The following PDE4DIP variants were observed in gnomAD, a reference collection of about 807,000 sequenced individuals.
PDE4DIP encodes the protein phosphodiesterase 4D interacting protein.
In PDE4DIP, 59 loss-of-function variants were observed where a neutral mutation model predicts 221.4. That is an observed-to-expected ratio of 0.27 (90% confidence interval 0.22 to 0.33). The LOEUF (loss-of-function observed/expected upper bound fraction) is 0.33. PDE4DIP is among the 10% of genes least tolerant of loss of function. The probability of loss-of-function intolerance (pLI) is 1.00; values close to 1 mark genes in which losing one functional copy is unlikely to be tolerated. For synonymous variants in PDE4DIP, 404 were observed against 815.9 expected (o/e 0.50, Z 8.60); for missense variants, 1,036 against 2,154.2 (o/e 0.48, Z 10.28).
chr1:148,929,926 T>C (rs1573620281), intron 2 of PDE4DIP: 1 of 152,512 alleles, frequency 6.6e-6, no homozygotes, highest in African/African-American at 2.4e-5. Flanking sequence ...TATGCAGTTA[T>C]TGAAGAATGA....
chr1:148,930,278 C>T (rs1428539673), intron 2 of PDE4DIP: 1 of 152,038 alleles, frequency 6.6e-6, no homozygotes, highest in Non-Finnish European at 1.5e-5. Context: ...CTTTGGGAGG[C>T]CGAGGTGGGT....
At chr1:148,990,075 A>C (rs1384320352) in intron 21 of PDE4DIP, 6 of 258,466 alleles carry the variant, frequency 2.3e-5, no homozygotes, top group Non-Finnish European at 3.0e-5. Context: ...AGTTAACATA[A>C]AGTTCATGGT....
chr1:149,028,510 C>G, intron 40 of PDE4DIP, 50 bp from the exon 44 acceptor site: 1 of 1,569,814 alleles, frequency 6.4e-7, no homozygotes, highest in Non-Finnish European at 8.7e-7. Context: ...TGAGCCCATG[C>G]AGGGGGAAGA....
At position 148,856,905 on chromosome 1, in the gene PDE4DIP, C is replaced by T. The variant is rs1459043142; in HGVS notation, c.234-6345C>T. 3.1e-4 allele frequency among the ~76,000 whole-genome samples: 25 copies of T among 80,328 alleles called. 7 individuals are homozygous for T. The highest frequency in any genetic ancestry group is 2.3e-4 in the Non-Finnish European group (10 of 43,168). The allele number at this position is 80,328 out of a possible 152,430, so 52.7% of individuals were successfully genotyped here. On this transcript the variant is annotated intron_variant, in intron 1 of 45. Coordinates refer to the PDE4DIP transcript ENST00000524974. ...CTGTAAATTAAAAATAGGAAAAATG[C>T]ATCTTGGAACGTTTGAAAAATTTAT...
At chr1:149,024,392 G>C in intron 37 of PDE4DIP, 53 bp from the exon 41 acceptor site, 1 of 1,509,524 alleles carries the variant, frequency 6.6e-7, no homozygotes, top group Non-Finnish European at 9.0e-7. Flanking sequence ...GGAGGGTTCT[G>C]ACAAGTGCTT....
At chr1:148,929,259 T>C (rs587643669) in exon 2 of PDE4DIP, 2 of 1,612,482 alleles carry the variant, frequency 1.2e-6, no homozygotes, top group African/African-American at 1.3e-5. Context: ...AGAAACAGCA[T>C]CTGGATAAAA....
At chr1:149,016,073 T>C (rs2152660605) in intron 32 of PDE4DIP, among the ~76,000 whole-genome samples, 2 of 144,070 alleles carry the variant, frequency 1.4e-5, no homozygotes, top group East Asian at 2.1e-4. Flanking sequence ...GACTTTAAGA[T>C]ACTTTATTCT....
intron 5 of PDE4DIP, among the ~76,000 whole-genome samples, chr1:148,949,543 A>C (rs1334386136): frequency 6.6e-6 from 1 of 152,188 alleles, no homozygotes; most frequent in Non-Finnish European, 1.5e-5. Context: ...GATACACAGT[A>C]TGTAGAATAA....
exon 15 of PDE4DIP, chr1:148,972,221 T>G: frequency 6.2e-7 from 1 of 1,605,942 alleles, no homozygotes; most frequent in South Asian, 1.1e-5. Flanking sequence ...TGGAAAGAAA[T>G]TCAGAATTAC....
At chr1:148,963,815 G>A (rs1201263081) in intron 9 of PDE4DIP, among the ~76,000 whole-genome samples, 1 of 113,168 alleles carries the variant, frequency 8.8e-6, no homozygotes, top group Non-Finnish European at 1.7e-5. Context: ...GTACAGTGGC[G>A]CGATCTCGGC....
At chr1:149,010,786 A>G (rs1294590193) in intron 31 of PDE4DIP, among the ~76,000 whole-genome samples, 191 bp downstream of exon 34, 1 of 151,286 alleles carries the variant, frequency 6.6e-6, no homozygotes, top group Non-Finnish European at 1.5e-5. Flanking sequence ...AGTAATCCAC[A>G]TCAGGTTTTG....
rs587754538 is a variant in PDE4DIP, at chr1:149,021,299, G to A, written c.6085+146G>A. On this transcript the variant is annotated intron_variant, in intron 37 of 43. Transcript: ENST00000369354. ...CCACCCGAGCCTGGGGCTCCCAGTA[G>A]GAGCTCTCAAACACAAAGCCCAACG... is the stretch of plus-strand genomic sequence containing the variant. 309 of 671,870 alleles carry A rather than the reference G, an allele frequency of 4.6e-4. 4 individuals carry two copies. Among genetic ancestry groups the A allele is most frequent in the Admixed American group, 1.5e-3 (63 of 42,754 alleles). The allele number at this position is 671,870 out of a possible 1,614,324, so 41.6% of individuals were successfully genotyped here. A position where few individuals can be genotyped will look rare whatever the true frequency, so the allele number is the denominator to read the frequency against.
At chr1:148,877,084 C>A (rs1553419714) in intron 3 of PDE4DIP, among the ~76,000 whole-genome samples, 2 of 146,364 alleles carry the variant, frequency 1.4e-5, no homozygotes, top group African/African-American at 5.5e-5. Flanking sequence ...TATACCAATA[C>A]AATATTAGTA....
intron 32 of PDE4DIP, among the ~76,000 whole-genome samples, chr1:149,013,789 T>TA (rs2069426882): frequency 2.1e-5 from 2 of 93,054 alleles, no homozygotes; most frequent in African/African-American, 4.8e-5. Flanking sequence ...CTCTTTTTTT[T>TA]TTTTTTTTTT....
At chr1:148,996,656 C>T (rs1356100973) in intron 22 of PDE4DIP, among the ~76,000 whole-genome samples, 1 of 152,108 alleles carries the variant, frequency 6.6e-6, no homozygotes, top group Non-Finnish European at 1.5e-5. Context: ...GTGAATCGAC[C>T]CTACCACAAA....
At chr1:148,912,056 T>A (rs2042871021) in intron 1 of PDE4DIP, among the ~76,000 whole-genome samples, 1 of 145,440 alleles carries the variant, frequency 6.9e-6, no homozygotes, top group Non-Finnish European at 1.5e-5. Flanking sequence ...GCGGGGATCA[T>A]GGGGAGCCAC....
chr1:148,883,281 ACTC>A (rs1694512039), intron 3 of PDE4DIP, among the ~76,000 whole-genome samples: 2 of 130,300 alleles, frequency 1.5e-5, no homozygotes, highest in Non-Finnish European at 3.2e-5. Flanking sequence ...TTAAAGCACT[ACTC>A]TTCTGTTTTT....
At chr1:149,001,058 G>A (rs1553575100) in intron 23 of PDE4DIP, among the ~76,000 whole-genome samples, 5 of 152,014 alleles carry the variant, frequency 3.3e-5, no homozygotes, top group African/African-American at 1.2e-4. Context: ...TCTCAAGAAG[G>A]TTATCTCTAT....
At chr1:148,917,329 G>A (rs1340925598) in intron 1 of PDE4DIP, among the ~76,000 whole-genome samples, 2 of 145,226 alleles carry the variant, frequency 1.4e-5, no homozygotes, top group Non-Finnish European at 3.0e-5. Context: ...TGTGCTCAGA[G>A]TCTAAATAAA....
Sources: gnomAD v4.1 joint callset for allele counts (sites outside exome capture counted in the v4.1 genomes callset) on GRCh38, gnomAD v4.1.1 for gene constraint, MANE v1.5 for transcripts, NCBI Gene and HGNC (gene_info 2026-07-23, HGNC 2026-07-21) for gene names.